GNG2: variants seen among roughly 807,000 people sequenced by gnomAD.
GNG2 encodes guanine nucleotide-binding protein G(I)/G(S)/G(O) subunit gamma-2.
A neutral mutation model predicts 5.5 loss-of-function variants in GNG2; 5 were observed. The observed-to-expected ratio is 0.91, with a 90% CI of 0.48 to 1.92. GNG2 has a LOEUF of 1.92. Among genes scored for constraint, GNG2 ranks in the 30% most tolerant of loss-of-function variants. The pLI is 0.01. For missense variants in GNG2, 55 were observed against 88.4 expected (o/e 0.62, Z 1.52); for synonymous variants, 28 against 32.0 (o/e 0.88, Z 0.42).
chr14:51,905,276 A>G (rs534846982), intron 2 of GNG2, among the ~76,000 whole-genome samples: 4 of 152,322 alleles, frequency 2.6e-5, no homozygotes, highest in Admixed American at 2.6e-4. Flanking sequence ...ATTTGAAAGA[A>G]TTATTTGTGG....
intron 2 of GNG2, among the ~76,000 whole-genome samples, chr14:51,911,866 GT>G (rs536563045): frequency 0.15 from 19,934 of 134,256 alleles, 3,882 homozygotes; most frequent in African/African-American, 0.39. Flanking sequence ...CTTTTCTTAT[GT>G]TTTTTTTTTT....
At position 51,921,221 on chromosome 14, in the gene GNG2, T is replaced by C. The variant is rs572583670; in HGVS notation, c.-29-29429T>C. Among the ~76,000 whole-genome samples, 9 of 152,284 alleles carry C rather than the reference T, an allele frequency of 5.9e-5. No individual in the cohort carries two copies. In the East Asian group the frequency reaches 1.2e-3, roughly 20 times the overall value. The stretch of plus-strand genomic sequence containing the variant: ...TTTCTTAACTTCTCTGTGCCTCCCG[T>C]TCCAAAACTGTAAGATGGGAGATAA... On this transcript the variant is annotated intron_variant, in intron 2 of 3. Coordinates refer to ENST00000556766, the MANE Select transcript of GNG2 (RefSeq NM_053064.5).
intron 2 of GNG2, among the ~76,000 whole-genome samples, chr14:51,890,224 T>A (rs969822173): frequency 2.0e-5 from 3 of 152,200 alleles, no homozygotes; most frequent in African/African-American, 7.2e-5. Context: ...TCAACTGCTG[T>A]GAATCAGGAC....
At chr14:51,838,380 G>T (rs999991864) in intron 2 of GNG2, among the ~76,000 whole-genome samples, 4 of 151,934 alleles carry the variant, frequency 2.6e-5, no homozygotes, top group Admixed American at 2.0e-4. Context: ...GGAGGCAAAG[G>T]TTGCAATGAG....
intron 2 of GNG2, among the ~76,000 whole-genome samples, chr14:51,844,408 C>T (rs1345966122): frequency 6.6e-6 from 1 of 152,198 alleles, no homozygotes; most frequent in Non-Finnish European, 1.5e-5. Flanking sequence ...CCTTCTGACT[C>T]ATGATGTCAC....
At chr14:51,834,759 T>C (rs1370637228) in intron 2 of GNG2, among the ~76,000 whole-genome samples, 1 of 152,222 alleles carries the variant, frequency 6.6e-6, no homozygotes, top group African/African-American at 2.4e-5. Context: ...CATGCAAAGT[T>C]GTTGAGTACC....
chr14:51,846,808 AT>A (rs1189206314), intron 2 of GNG2, among the ~76,000 whole-genome samples: 2 of 152,200 alleles, frequency 1.3e-5, no homozygotes, highest in Non-Finnish European at 2.9e-5. Flanking sequence ...GAAGGGCACC[AT>A]TCCTAATTAC....
intron 2 of GNG2, among the ~76,000 whole-genome samples, chr14:51,898,383 A>G (rs1309062330): frequency 6.6e-6 from 1 of 152,118 alleles, no homozygotes; most frequent in Non-Finnish European, 1.5e-5. Flanking sequence ...ATTGGGATGG[A>G]TGTAGGAAGG....
chr14:51,908,093 C>A (rs1886046643), intron 2 of GNG2, among the ~76,000 whole-genome samples: 1 of 152,160 alleles, frequency 6.6e-6, no homozygotes, highest in Non-Finnish European at 1.5e-5. Flanking sequence ...CACAAAGATG[C>A]AGTTAAGGTA....
intron 2 of GNG2, among the ~76,000 whole-genome samples, chr14:51,898,535 G>A (rs938358562): frequency 1.3e-5 from 2 of 152,158 alleles, no homozygotes; most frequent in Non-Finnish European, 2.9e-5. Flanking sequence ...ATTAAAGAAA[G>A]AAAGAGGAAA....
intron 2 of GNG2, chr14:51,914,075 T>G (rs1397857945): frequency 3.3e-6 from 2 of 600,582 alleles, no homozygotes; most frequent in Non-Finnish European, 6.0e-6. Flanking sequence ...CAAGGTGTTT[T>G]GTTTGCTTGC....
chr14:51,883,431 A>G (rs1315918809), intron 2 of GNG2, among the ~76,000 whole-genome samples: 3 of 152,244 alleles, frequency 2.0e-5, no homozygotes, highest in African/African-American at 7.2e-5. Flanking sequence ...AGAAAATATC[A>G]TGCAAACCCG....
chr14:51,948,329 C>T (rs1040601122), intron 2 of GNG2, among the ~76,000 whole-genome samples: 1 of 152,170 alleles, frequency 6.6e-6, no homozygotes, highest in Non-Finnish European at 1.5e-5. Flanking sequence ...ACAGGTCACC[C>T]TGTAATCTGG....
chr14:51,894,270 T>C (rs1266501162), intron 2 of GNG2, among the ~76,000 whole-genome samples: 44 of 152,160 alleles, frequency 2.9e-4, no homozygotes. Context: ...TTTCTCGATA[T>C]ATAAAGATTT....
chr14:51,881,929 C>G (rs1280257955), intron 2 of GNG2, among the ~76,000 whole-genome samples: 1 of 151,968 alleles, frequency 6.6e-6, no homozygotes, highest in Non-Finnish European at 1.5e-5. Flanking sequence ...GGGTTTCTTC[C>G]TTCCAGGACT....
chr14:51,942,571 C>CTCTTTCTTTCTTTCTGTCTT (rs1888381360), intron 2 of GNG2, among the ~76,000 whole-genome samples: 1 of 55,646 alleles, frequency 1.8e-5, no homozygotes, highest in East Asian at 4.0e-4. Context: ...TTTATTTTTT[C>CTCTTTCTTTCTTTCTGTCTT]TCTTTCTTTC....
intron 2 of GNG2, among the ~76,000 whole-genome samples, chr14:51,846,481 A>T (rs1881632047): frequency 6.6e-6 from 1 of 152,226 alleles, no homozygotes; most frequent in African/African-American, 2.4e-5. Context: ...TAAAAATTCA[A>T]CCTCAACCCC....
At chr14:51,898,692 G>A (rs543742819) in intron 2 of GNG2, among the ~76,000 whole-genome samples, 4 of 152,282 alleles carry the variant, frequency 2.6e-5, no homozygotes, top group South Asian at 2.1e-4. Context: ...CAGAGCCCTC[G>A]AACTCTGTAA....
At chr14:51,958,746 C>T (rs1889426972) in intron 3 of GNG2, among the ~76,000 whole-genome samples, 1 of 152,078 alleles carries the variant, frequency 6.6e-6, no homozygotes, top group Non-Finnish European at 1.5e-5. Context: ...TCTCCTTATC[C>T]TACTTCAGCT....
Sources: allele counts gnomAD v4.1 joint callset (sites outside exome capture counted in the v4.1 genomes callset), GRCh38; gene constraint gnomAD v4.1.1; transcripts MANE v1.5; gene names NCBI Gene and HGNC (gene_info 2026-07-23, HGNC 2026-07-21).